The following NELL1 variants were observed in gnomAD, a reference collection of about 807,000 sequenced individuals.
NELL1 encodes the protein protein kinase C-binding protein NELL1.
NELL1 carries 76 observed loss-of-function variants against 107.4 expected under a neutral mutation model. That is an observed-to-expected ratio of 0.71 (90% confidence interval 0.59 to 0.86). The LOEUF is 0.86. Ranked by LOEUF, NELL1 falls within the 40% of genes least tolerant of loss-of-function variation. The pLI is 0.00. For missense variants in NELL1, 1,024 were observed against 1,005.5 expected (o/e 1.02, Z -0.25); for synonymous variants, 353 against 341.2 (o/e 1.03, Z -0.38).
In NELL1 at chr11:21,285,246, G is replaced by A. The variant is rs540385868; in HGVS notation, c.1549+55792G>A. On this transcript the variant is annotated intron_variant, in intron 14 of 19. Transcript: ENST00000357134. ...TAGTCCACAATTCTCCCTTCTCTAC[G>A]ATATTATATACTGAATAAATCAGAG... Among the ~76,000 whole-genome samples the A allele has an allele frequency of 2.0e-5, 3 of 152,122 alleles. No individual in the cohort carries two copies. In the East Asian group the frequency reaches 5.8e-4, roughly 29 times the overall value.
chr11:21,107,587 G>C (rs1373024925), intron 12 of NELL1, among the ~76,000 whole-genome samples: 1 of 152,140 alleles, frequency 6.6e-6, no homozygotes, highest in East Asian at 1.9e-4. Flanking sequence ...CAGCTATCAA[G>C]AAATAGTGTG....
chr11:21,043,438 A>C (rs1008889621), intron 12 of NELL1, among the ~76,000 whole-genome samples: 1 of 152,118 alleles, frequency 6.6e-6, no homozygotes, highest in African/African-American at 2.4e-5. Flanking sequence ...TTGCTGAGAG[A>C]GAAAGGGAGA....
intron 4 of NELL1, among the ~76,000 whole-genome samples, chr11:20,861,871 A>G (rs1848985583): frequency 6.6e-6 from 1 of 152,198 alleles, no homozygotes; most frequent in Non-Finnish European, 1.5e-5. Context: ...TCTAAGTCTC[A>G]ATCATAAGAT....
chr11:21,205,437 C>G (rs1208618069), intron 13 of NELL1, among the ~76,000 whole-genome samples: 1 of 152,172 alleles, frequency 6.6e-6, no homozygotes, highest in Admixed American at 6.5e-5. Context: ...AAACCACCTA[C>G]CAAAGCCTCA....
At chr11:21,380,854 T>C (rs922632774) in intron 15 of NELL1, among the ~76,000 whole-genome samples, 1 of 152,192 alleles carries the variant, frequency 6.6e-6, no homozygotes, top group East Asian at 1.9e-4. Flanking sequence ...TCTAGTATAC[T>C]GAAAAGAGTA....
chr11:21,020,077 C>T (rs1430627934), intron 12 of NELL1, among the ~76,000 whole-genome samples: 2 of 152,090 alleles, frequency 1.3e-5, no homozygotes, highest in African/African-American at 4.8e-5. Flanking sequence ...CTAAACTATA[C>T]AATGGAGATA....
intron 13 of NELL1, among the ~76,000 whole-genome samples, chr11:21,118,589 A>G (rs758693785): frequency 2.0e-5 from 3 of 152,086 alleles, no homozygotes; most frequent in Non-Finnish European, 4.4e-5. Context: ...TGTCTTTTCA[A>G]ATGTTTCATT....
In NELL1 at chr11:21,077,837, TAAG is replaced by T. The variant is rs551374869; in HGVS notation, c.1301-35748_1301-35746del. 2.9e-3 allele frequency among the ~76,000 whole-genome samples: 436 copies of T among 151,976 alleles called. 1 individual carries two copies. The highest frequency in any genetic ancestry group is 9.6e-3 in the African/African-American group (399 of 41,468). On this transcript the variant is annotated intron_variant, in intron 12 of 19. Coordinates refer to ENST00000357134, the MANE Select transcript of NELL1 (RefSeq NM_006157.5). ...GAACTAATGGTAAATAATTCAAAAT[TAAG>T]AAGTTGTCTTAGAAAGCAGAGGGAA...
intron 13 of NELL1, among the ~76,000 whole-genome samples, chr11:21,190,234 C>A (rs1389966461): frequency 3.3e-5 from 5 of 151,746 alleles, no homozygotes; most frequent in African/African-American, 1.2e-4. Flanking sequence ...TGCCTGTAAT[C>A]CCAGCTACTC....
chr11:21,534,489 T>G lies in NELL1; in HGVS notation c.1761T>G (p.Tyr587Ter). The G allele has an allele frequency of 6.2e-7, 1 of 1,613,824 alleles. No individual in the cohort carries two copies. Among genetic ancestry groups the G allele is most frequent in the Non-Finnish European group, 8.5e-7 (1 of 1,179,810 alleles). ...GCGGTTTCCATGACGATGGGACCTA[T>G]TCACTGTCCGGGGAGTCCTGTATTG... The part of the protein sequence containing the change: ...CRSGFHDDGT[Y>*]SLSGESCIDI... Residue 587 changes from tyrosine to a stop codon, truncating the protein, a stop_gained, in exon 16 of 20, where the codon TAT becomes TAG. Coordinates refer to ENST00000357134, the MANE Select transcript of NELL1 (RefSeq NM_006157.5). LOFTEE classifies it high-confidence loss of function.
chr11:21,238,837 TTC>T (rs1461131164), intron 14 of NELL1, among the ~76,000 whole-genome samples: 1 of 152,026 alleles, frequency 6.6e-6, no homozygotes, highest in Admixed American at 6.6e-5. Context: ...ATTTTGATAT[TTC>T]TGTTTACTAG....
At chr11:20,776,088 G>A (rs1856744393) in intron 2 of NELL1, among the ~76,000 whole-genome samples, 1 of 152,186 alleles carries the variant, frequency 6.6e-6, no homozygotes, top group Non-Finnish European at 1.5e-5. Context: ...TGTGCTTGGT[G>A]TAGTGTACAT....
intron 13 of NELL1, among the ~76,000 whole-genome samples, chr11:21,167,684 CA>C (rs769577702): frequency 7.9e-5 from 12 of 151,822 alleles, no homozygotes; most frequent in African/African-American, 1.2e-4. Flanking sequence ...CTCCCTTGTT[CA>C]GTATTCTCCA....
chr11:20,717,389 C>T (rs1855277903), intron 2 of NELL1, among the ~76,000 whole-genome samples: 1 of 152,166 alleles, frequency 6.6e-6, no homozygotes, highest in Non-Finnish European at 1.5e-5. Context: ...CCAAGATTTT[C>T]CCTGACTCAT....
intron 4 of NELL1, among the ~76,000 whole-genome samples, chr11:20,866,052 C>T (rs1360689477): frequency 6.6e-6 from 1 of 152,126 alleles, no homozygotes; most frequent in South Asian, 2.1e-4. Flanking sequence ...ATACCACCCT[C>T]CTGCCCCCTG....
chr11:21,178,259 C>G (rs1856752413), intron 13 of NELL1, among the ~76,000 whole-genome samples: 1 of 151,682 alleles, frequency 6.6e-6, no homozygotes, highest in South Asian at 2.1e-4. Flanking sequence ...CCTGAGGCTG[C>G]TAATCACTAA....
chr11:21,466,516 T>C (rs776329209), intron 15 of NELL1, among the ~76,000 whole-genome samples: 2 of 152,160 alleles, frequency 1.3e-5, no homozygotes, highest in Non-Finnish European at 2.9e-5. Flanking sequence ...GTATTTCCAT[T>C]GTGCTCAGTG....
At chr11:21,463,216 C>G (rs1300903226) in intron 15 of NELL1, among the ~76,000 whole-genome samples, 1 of 151,990 alleles carries the variant, frequency 6.6e-6, no homozygotes, top group East Asian at 1.9e-4. Flanking sequence ...ATTGTTGGCT[C>G]CCACCTCCAG....
intron 12 of NELL1, among the ~76,000 whole-genome samples, chr11:21,003,224 C>T (rs531205269): frequency 1.3e-5 from 2 of 152,138 alleles, no homozygotes; most frequent in African/African-American, 4.8e-5. Flanking sequence ...CAAATCATGC[C>T]TATAAACATA....
Sources: gnomAD v4.1 joint callset for allele counts (sites outside exome capture counted in the v4.1 genomes callset) on GRCh38, gnomAD v4.1.1 for gene constraint, MANE v1.5 for transcripts, NCBI Gene and HGNC (gene_info 2026-07-23, HGNC 2026-07-21) for gene names.